Variants in ZCCHC7 observed in about 807,000 individuals in gnomAD.
ZCCHC7 encodes the protein zinc finger CCHC domain-containing protein 7.
Under a neutral mutation model 52.0 loss-of-function variants are expected in ZCCHC7, and 35 were observed. That is an observed-to-expected ratio of 0.67 (90% CI 0.51 to 0.89). The LOEUF is 0.89. Among genes scored for constraint, ZCCHC7 ranks in the 40% least tolerant of loss-of-function variants. The pLI is 0.00. For synonymous variants in ZCCHC7, 217 were observed against 221.5 expected (o/e 0.98, Z 0.18); for missense variants, 574 against 649.1 (o/e 0.88, Z 1.26).
At chr9:37,183,807 A>G (rs1822498276) in intron 2 of ZCCHC7, among the ~76,000 whole-genome samples, 1 of 152,262 alleles carries the variant, frequency 6.6e-6, no homozygotes, top group Non-Finnish European at 1.5e-5. Flanking sequence ...AGATAAAGTA[A>G]TATGCCCAAG....
chr9:37,335,234 A>G (rs1264554007), intron 6 of ZCCHC7, among the ~76,000 whole-genome samples: 1 of 152,050 alleles, frequency 6.6e-6, no homozygotes, highest in Non-Finnish European at 1.5e-5. Context: ...ACAGTTGTAC[A>G]TTTCCTCCCT....
Position 37,354,180 on chromosome 9 carries a change from C to G in ZCCHC7, c.1084-530C>G, listed in dbSNP as rs1477358149. On this transcript the variant is annotated intron_variant, in intron 7 of 8. Transcript: ENST00000336755. This position sits in a 1 kb window ranked among gnomAD's most constrained non-coding sequence, Gnocchi z 4.0. ...GGCATAACCTACCACCAACCTACCC[C>G]CCACCGTTAAGAATCACTACCCCTA... Among the ~76,000 whole-genome samples the G allele has an allele frequency of 6.6e-6, 1 of 152,070 alleles. No homozygotes were observed. The highest frequency in any genetic ancestry group is 2.4e-5 in the African/African-American group (1 of 41,376).
intron 2 of ZCCHC7, among the ~76,000 whole-genome samples, chr9:37,263,993 A>T (rs1451935837): frequency 2.0e-5 from 3 of 152,238 alleles, no homozygotes; most frequent in African/African-American, 7.2e-5. Flanking sequence ...CTTGGTGATC[A>T]TGGATAAACG....
chr9:37,309,732 G>T (rs1486461258), intron 5 of ZCCHC7, among the ~76,000 whole-genome samples: 2 of 152,132 alleles, frequency 1.3e-5, no homozygotes, highest in Non-Finnish European at 2.9e-5. Context: ...GGCCAGCCTG[G>T]CCAACACAGC....
chr9:37,144,103 A>G (rs1006336870), intron 2 of ZCCHC7, among the ~76,000 whole-genome samples: 2 of 151,882 alleles, frequency 1.3e-5, no homozygotes, highest in Non-Finnish European at 2.9e-5. Context: ...TAAGGGAAAT[A>G]CATAAAATAT....
intron 2 of ZCCHC7, among the ~76,000 whole-genome samples, chr9:37,234,733 A>G (rs1432296598): frequency 6.6e-6 from 1 of 152,160 alleles, no homozygotes; most frequent in African/African-American, 2.4e-5. Context: ...TTTTTAGAAA[A>G]ATTAAAATAA....
intron 5 of ZCCHC7, among the ~76,000 whole-genome samples, chr9:37,322,885 C>T (rs898822627): frequency 1.5e-4 from 23 of 152,018 alleles, no homozygotes; most frequent in African/African-American, 5.6e-4. Flanking sequence ...TTTATTGATG[C>T]CAATATTTCC....
At chr9:37,350,184 A>G (rs1490259617) in intron 7 of ZCCHC7, among the ~76,000 whole-genome samples, 1 of 145,528 alleles carries the variant, frequency 6.9e-6, no homozygotes, top group Non-Finnish European at 1.5e-5. Flanking sequence ...GCTGGAGTGC[A>G]ATGACACGAT....
At chr9:37,229,084 C>T (rs1340701752) in intron 2 of ZCCHC7, among the ~76,000 whole-genome samples, 5 of 152,054 alleles carry the variant, frequency 3.3e-5, no homozygotes, top group Non-Finnish European at 7.4e-5. Context: ...ATCTGCCCTC[C>T]TTGGCCTCCC....
chr9:37,120,714 T>G, intron 1 of ZCCHC7, 91 bp downstream of exon 1: 1 of 364,650 alleles, frequency 2.7e-6, no homozygotes, highest in Non-Finnish European at 4.9e-6. Context: ...AACTAGCGCG[T>G]GCCCCCTCGC....
At chr9:37,356,708 A>C in intron 8 of ZCCHC7, 127 bp from the exon 9 acceptor site, 1 of 795,766 alleles carries the variant, frequency 1.3e-6, no homozygotes, top group South Asian at 2.7e-5. Flanking sequence ...ATTTTTAGTG[A>C]GTGATGTCAT....
At chr9:37,306,159 C>T (rs1414315412) in intron 5 of ZCCHC7, among the ~76,000 whole-genome samples, 1 of 151,958 alleles carries the variant, frequency 6.6e-6, no homozygotes, top group Middle Eastern at 3.2e-3. Context: ...CTTCTGCCTC[C>T]CGGGTTCCAG....
At chr9:37,327,440 T>A (rs529068078) in intron 5 of ZCCHC7, 1 of 202,264 alleles carries the variant, frequency 4.9e-6, no homozygotes, top group Non-Finnish European at 9.9e-6. Flanking sequence ...AAGTTCAAAA[T>A]GCTGTTTTAA....
chr9:37,233,769 G>C (rs1289804827), intron 2 of ZCCHC7, among the ~76,000 whole-genome samples: 1 of 152,174 alleles, frequency 6.6e-6, no homozygotes, highest in Non-Finnish European at 1.5e-5. Flanking sequence ...AAGAGAAAAT[G>C]ATGGAGGGTT....
chr9:37,336,829 T>C (rs1830686380), intron 6 of ZCCHC7, among the ~76,000 whole-genome samples: 1 of 152,156 alleles, frequency 6.6e-6, no homozygotes, highest in African/African-American at 2.4e-5. Context: ...CCTGTCTCCA[T>C]GCCTTCATCC....
At chr9:37,181,239 G>A (rs140980108) in intron 2 of ZCCHC7, among the ~76,000 whole-genome samples, 1 of 151,340 alleles carries the variant, frequency 6.6e-6, no homozygotes, top group African/African-American at 2.4e-5. Context: ...TTTTTTTTCA[G>A]TTTCACTTGT....
intron 7 of ZCCHC7, among the ~76,000 whole-genome samples, chr9:37,349,868 A>G (rs1403022080): frequency 1.3e-5 from 2 of 151,702 alleles, no homozygotes; most frequent in Non-Finnish European, 2.9e-5. Context: ...GCTCACTGCA[A>G]CCTCCTTCTC....
chr9:37,300,513 GC>G (rs1828986041), intron 2 of ZCCHC7, among the ~76,000 whole-genome samples: 1 of 152,206 alleles, frequency 6.6e-6, no homozygotes, highest in South Asian at 2.1e-4. Context: ...ATAATCATCA[GC>G]ACAGCATCTC....
chr9:37,286,168 T>C (rs1296131981), intron 2 of ZCCHC7, among the ~76,000 whole-genome samples: 1 of 152,208 alleles, frequency 6.6e-6, no homozygotes, highest in Non-Finnish European at 1.5e-5. Context: ...TAAAATAATT[T>C]AGGGAGATTA....
Sources: gnomAD v4.1 joint callset for allele counts (sites outside exome capture counted in the v4.1 genomes callset) on GRCh38, gnomAD v4.1.1 for gene constraint, Gnocchi (gnomAD v3.1) non-coding constraint, MANE v1.5 for transcripts, NCBI Gene and HGNC (gene_info 2026-07-23, HGNC 2026-07-21) for gene names.